Variants in KCND2 observed in about 807,000 individuals in gnomAD.
KCND2 encodes the protein potassium voltage-gated channel subfamily D member 2, also known as A-type voltage-gated potassium channel KCND2.
KCND2 carries 16 observed loss-of-function variants against 54.4 expected under a neutral mutation model. That is an observed-to-expected ratio of 0.29 (90% CI 0.20 to 0.45). The LOEUF is 0.45. Ranked by LOEUF, KCND2 falls within the 20% of genes least tolerant of loss-of-function variation. KCND2 has a pLI of 1.00. For synonymous variants in KCND2, 317 were observed against 310.7 expected (o/e 1.02, Z -0.21); for missense variants, 486 against 824.2 (o/e 0.59, Z 5.02).
intron 1 of KCND2, among the ~76,000 whole-genome samples, chr7:120,345,403 G>A (rs572158645): frequency 4.7e-4 from 72 of 152,220 alleles, no homozygotes; most frequent in African/African-American, 1.7e-3. Flanking sequence ...AAAAAAAATT[G>A]TGGTAACATC....
intron 1 of KCND2, among the ~76,000 whole-genome samples, chr7:120,521,005 A>G (rs1791684938): frequency 6.6e-6 from 1 of 152,106 alleles, no homozygotes; most frequent in African/African-American, 2.4e-5. Context: ...CCCTTGGTGG[A>G]AAATAGTAAC....
chr7:120,295,578 CAA>C (rs1799500982), intron 1 of KCND2, among the ~76,000 whole-genome samples: 1 of 151,740 alleles, frequency 6.6e-6, no homozygotes, highest in South Asian at 2.1e-4. Flanking sequence ...TATGAGCTAT[CAA>C]GAGGAATGGG....
chr7:120,698,022 C>CTTTTTTTTTT (rs35589294), intron 1 of KCND2, among the ~76,000 whole-genome samples: 112 of 85,616 alleles, frequency 1.3e-3, no homozygotes, highest in Non-Finnish European at 1.6e-3. Context: ...TAGATTTGCC[C>CTTTTTTTTTT]TTTTTTTTTT....
At chr7:120,725,829 GA>G (rs1792727085) in intron 1 of KCND2, among the ~76,000 whole-genome samples, 1 of 152,072 alleles carries the variant, frequency 6.6e-6, no homozygotes, top group South Asian at 2.1e-4. Flanking sequence ...TAACACCTGT[GA>G]AAACACTTTT....
chr7:120,691,659 G>A (rs750589131), intron 1 of KCND2, among the ~76,000 whole-genome samples: 5 of 152,138 alleles, frequency 3.3e-5, no homozygotes, highest in Non-Finnish European at 5.9e-5. Flanking sequence ...AGTTGGCTAT[G>A]TGAGTCTAGA....
chr7:120,521,543 G>A (rs889142233), intron 1 of KCND2, among the ~76,000 whole-genome samples: 6 of 152,066 alleles, frequency 3.9e-5, no homozygotes, highest in African/African-American at 9.6e-5. Flanking sequence ...CAAAGGTGTC[G>A]ATAAACTTGA....
chr7:120,347,972 G>A (rs1365540155), intron 1 of KCND2, among the ~76,000 whole-genome samples: 1 of 152,092 alleles, frequency 6.6e-6, no homozygotes, highest in Non-Finnish European at 1.5e-5. Context: ...GGTGGAAAGA[G>A]AGCAGGAACT....
chr7:120,622,880 A>G (rs1793119414), intron 1 of KCND2, among the ~76,000 whole-genome samples: 1 of 152,148 alleles, frequency 6.6e-6, no homozygotes, highest in South Asian at 2.1e-4. Flanking sequence ...ATATCAATGA[A>G]ATATTTATTT....
chr7:120,615,120 C>A (rs865918951), intron 1 of KCND2, among the ~76,000 whole-genome samples: 3 of 152,130 alleles, frequency 2.0e-5, no homozygotes, highest in African/African-American at 7.2e-5. Flanking sequence ...CCATCAGTAA[C>A]AATATGAGGG....
chr7:120,278,511 A>T (rs1007889851), intron 1 of KCND2, among the ~76,000 whole-genome samples: 27 of 150,600 alleles, frequency 1.8e-4, no homozygotes, highest in Non-Finnish European at 2.7e-4. Flanking sequence ...TGAAAGTTCC[A>T]TCTCGTATGA....
chr7:120,641,898 T>G (rs536119089), intron 1 of KCND2, among the ~76,000 whole-genome samples: 1 of 152,088 alleles, frequency 6.6e-6, no homozygotes, highest in African/African-American at 2.4e-5. Flanking sequence ...CAAATCCACC[T>G]ACTAACACAT....
chr7:120,422,552 T>C (rs1382913232), intron 1 of KCND2, among the ~76,000 whole-genome samples: 2 of 152,186 alleles, frequency 1.3e-5, no homozygotes, highest in African/African-American at 2.4e-5. Flanking sequence ...TATTAGCAGC[T>C]CCAATTGCTG....
chr7:120,392,278 C>T (rs963835301), intron 1 of KCND2, among the ~76,000 whole-genome samples: 5 of 151,934 alleles, frequency 3.3e-5, no homozygotes, highest in African/African-American at 1.2e-4. Flanking sequence ...GTCTATGTAT[C>T]TTTTTTGGTA....
chr7:120,473,238 T>C (rs527532674), intron 1 of KCND2, among the ~76,000 whole-genome samples: 1 of 152,324 alleles, frequency 6.6e-6, no homozygotes, highest in South Asian at 2.1e-4. Flanking sequence ...GATAAAAATA[T>C]TCACTATGTT....
chr7:120,463,401 T>G (rs1022667849), intron 1 of KCND2, among the ~76,000 whole-genome samples: 2 of 151,764 alleles, frequency 1.3e-5, no homozygotes, highest in Non-Finnish European at 2.9e-5. Flanking sequence ...AGCATTAAAT[T>G]TTTATTCATT....
intron 1 of KCND2, among the ~76,000 whole-genome samples, chr7:120,621,862 G>C (rs967662184): frequency 1.3e-5 from 2 of 152,124 alleles, no homozygotes; most frequent in Non-Finnish European, 2.9e-5. Context: ...TCTAGGAGTA[G>C]TATGAATAGG....
rs909130069 is a variant in KCND2, at chr7:120,749,575, G to A, written c.*1717G>A. The A allele has an allele frequency of 6.6e-6, 1 of 152,158 alleles. No homozygotes were observed. The highest frequency in any genetic ancestry group is 6.6e-5 in the Admixed American group (1 of 15,210). The allele number at this position is 152,158 out of a possible 1,614,324, so 9.4% of individuals were successfully genotyped here. On this transcript the variant is annotated 3_prime_UTR_variant, in exon 6 of 6. Coordinates refer to ENST00000331113, the MANE Select transcript of KCND2 (RefSeq NM_012281.3). ...CTTATGATATTTAATCATAAAAAGG[G>A]ATTAATCCAACCATTTTCTAGTAAA...
At chr7:120,566,517 A>G (rs965672507) in intron 1 of KCND2, among the ~76,000 whole-genome samples, 21 of 151,898 alleles carry the variant, frequency 1.4e-4, no homozygotes, top group African/African-American at 4.3e-4. Context: ...TAATGATTTT[A>G]TTTTTTATGG....
chr7:120,449,427 T>G (rs1802070567), intron 1 of KCND2, among the ~76,000 whole-genome samples: 1 of 152,196 alleles, frequency 6.6e-6, no homozygotes, highest in Non-Finnish European at 1.5e-5. Flanking sequence ...CTGACCGGAT[T>G]GAAGATAAGA....
Sources: allele counts gnomAD v4.1 joint callset (sites outside exome capture counted in the v4.1 genomes callset), GRCh38; gene constraint gnomAD v4.1.1; transcripts MANE v1.5; gene names NCBI Gene and HGNC (gene_info 2026-07-23, HGNC 2026-07-21).